AIPL1: variants seen among roughly 807,000 people sequenced by gnomAD.
The protein encoded by AIPL1 is aryl-hydrocarbon-interacting protein-like 1.
AIPL1 carries 23 observed loss-of-function variants against 32.9 expected under a neutral mutation model. That is an observed-to-expected ratio of 0.70 (90% CI 0.50 to 0.99). The LOEUF (loss-of-function observed/expected upper bound fraction) is 0.99, where lower values mean the gene tolerates loss of function less well. Ranked by LOEUF, AIPL1 falls within the 50% of genes least tolerant of loss-of-function variation. The pLI is 0.00. For synonymous variants in AIPL1, 210 were observed against 209.4 expected, an observed-to-expected ratio of 1.00 and a Z score of -0.02; for missense variants, 485 against 506.0, an observed-to-expected ratio of 0.96 and a Z score of 0.40.
intron 2 of AIPL1, among the ~76,000 whole-genome samples, chr17:6,429,170 G>A (rs57495023): frequency 0.02 from 3,061 of 152,300 alleles, 111 homozygotes; most frequent in African/African-American, 0.07. Context: ...TGCCACCCTT[G>A]GGATGAAGGA....
chr17:6,427,205 C>A, intron 3 of AIPL1, 148 bp from the exon 4 acceptor site: 1 of 837,412 alleles, frequency 1.2e-6, no homozygotes, highest in Non-Finnish European at 1.9e-6. Flanking sequence ...AGCAACAACG[C>A]CGAAAACCCT....
intron 2 of AIPL1, 118 bp downstream of exon 2, chr17:6,433,801 T>C (rs1359938547): frequency 7.7e-7 from 1 of 1,290,748 alleles, no homozygotes; most frequent in African/African-American, 1.5e-5. Context: ...TTTGCAGGAC[T>C]GGCTTTGCAA....
intron 2 of AIPL1, among the ~76,000 whole-genome samples, chr17:6,433,620 C>T (rs1912842937): frequency 7.8e-6 from 1 of 128,742 alleles, no homozygotes; most frequent in Admixed American, 7.3e-5. Context: ...CTCACACACA[C>T]ACACACACAC....
At chr17:6,428,287 A>T in intron 3 of AIPL1, 31 bp downstream of exon 3, 1 of 1,601,820 alleles carries the variant, frequency 6.2e-7, no homozygotes, top group Non-Finnish European at 8.5e-7. Context: ...GTGCTGGCAC[A>T]GCCCTCCAGC....
In AIPL1 at chr17:6,425,586, G is replaced by A. The variant is rs1911839985; in HGVS notation, c.1029C>T (p.Pro343=). The change falls in exon 6 of 6, where the codon CCC becomes CCT. Residue 343 remains proline, a synonymous_variant. Transcript: ENST00000381129. ...CAGGTGGCTCTGTGGATGACTGTGC[G>A]GGTGGCTCTGTGGGTGGCTCTGCGG... ...QPPAEPPTEP[P]AQSSTEPPAE... is the part of the protein sequence containing the mutation. The A allele has an allele frequency of 1.9e-6, 3 of 1,613,286 alleles. No individual in the cohort carries two copies. Among genetic ancestry groups the A allele is most frequent in the East Asian group, 2.2e-5 (1 of 44,870 alleles).
rs1448600688 is a variant in AIPL1 at position 6,425,114 on chromosome 17, C to A, written c.*346G>T. 1 of 205,850 alleles carries A rather than the reference C, an allele frequency of 4.9e-6. No individual in the cohort carries two copies. The highest frequency in any genetic ancestry group is 5.3e-5 in the Admixed American group (1 of 18,964). The allele number at this position is 205,850 out of a possible 1,614,324, so 12.8% of individuals were successfully genotyped here. ...AGGGGTATCAGGCATGAGAAAGGATCAGAGCATCAAATCCTCATTTGTCAT... is the reference window on the plus strand; with the variant it reads ...AGGGGTATCAGGCATGAGAAAGGATAAGAGCATCAAATCCTCATTTGTCAT... On this transcript the variant is annotated 3_prime_UTR_variant, in exon 6 of 6. Coordinates refer to ENST00000381129, the MANE Select transcript of AIPL1 (RefSeq NM_014336.5).
At chr17:6,434,192 G>A (rs997053621) in intron 1 of AIPL1, 94 bp from the exon 2 acceptor site, 154 of 1,417,902 alleles carry the variant, frequency 1.1e-4, no homozygotes, top group Non-Finnish European at 1.4e-4. Flanking sequence ...GCTGTCCCCA[G>A]GGTCAGCTCA....
At position 6,424,935 on chromosome 17, in the gene AIPL1, T is replaced by G. The variant is rs567614921; in HGVS notation, c.*525A>C. ...CTTTCCTGGGGGAGGCCAAGAACCC[T>G]CTCAGGCTAAGCTCCAGTGTCGGGG... On this transcript the variant is annotated 3_prime_UTR_variant, in exon 6 of 6. Coordinates refer to ENST00000381129, the MANE Select transcript of AIPL1 (RefSeq NM_014336.5). 6.5e-6 allele frequency: 1 copy of G among 152,694 alleles called. No homozygotes were observed. Among genetic ancestry groups the G allele is most frequent in the African/African-American group, 2.4e-5 (1 of 41,556 alleles). 9.5% of individuals were successfully genotyped at this position (152,694 alleles called of 1,614,324 possible). A position where few individuals can be genotyped will look rare whatever the true frequency, so the allele number is the denominator to read the frequency against.
rs971471435 is a variant in AIPL1, at chr17:6,430,445, A to G, written c.277-1939T>C. Among the ~76,000 whole-genome samples, 23 of 131,836 alleles carry G rather than the reference A, an allele frequency of 1.7e-4. 1 individual carries two copies. The highest frequency in any genetic ancestry group is 6.3e-4 in the African/African-American group (22 of 35,160). 86.5% of individuals were successfully genotyped at this position (131,836 alleles called of 152,430 possible). On this transcript the variant is annotated intron_variant, in intron 2 of 5. Coordinates refer to ENST00000381129, the MANE Select transcript of AIPL1 (RefSeq NM_014336.5). The stretch of plus-strand genomic sequence containing the variant: ...CACTCCAGCCTGGGCAACAAGAGCG[A>G]AAGTCCGTCTCAAAAAAAAAAAAAA...
In AIPL1 at chr17:6,428,300, T is replaced by C. The variant is rs1356852981; in HGVS notation, c.465+18A>G. The C allele has an allele frequency of 1.9e-6, 3 of 1,604,510 alleles. No individual in the cohort carries two copies. The highest frequency in any genetic ancestry group is 2.2e-5 in the East Asian group (1 of 44,878). ...CAGTGCTGGCACAGCCCTCCAGCCC[T>C]GCCAACCCCAGCCCCACCTGCAGCA... On this transcript the variant is annotated intron_variant, in intron 3 of 5. Coordinates refer to ENST00000381129, the MANE Select transcript of AIPL1 (RefSeq NM_014336.5).
chr17:6,425,889 A>C, intron 5 of AIPL1, 59 bp from the exon 6 acceptor site: 1 of 1,574,348 alleles, frequency 6.4e-7, no homozygotes, highest in South Asian at 1.1e-5. Flanking sequence ...AGGCAGCCCC[A>C]GCCCAGCTGG....
chr17:6,433,835 C>T (rs1912871571), intron 2 of AIPL1, 84 bp downstream of exon 2: 1 of 1,505,652 alleles, frequency 6.6e-7, no homozygotes, highest in Non-Finnish European at 9.0e-7. Flanking sequence ...TCCCAGCTTT[C>T]CCGAAACACA....
intron 1 of AIPL1, among the ~76,000 whole-genome samples, chr17:6,434,356 CT>C (rs71381392): frequency 9.3e-4 from 98 of 104,998 alleles, no homozygotes; most frequent in African/African-American, 2.2e-3. Context: ...AGCCCGAGTT[CT>C]TTTTTTTTTT....
At chr17:6,427,659 T>C (rs559414149) in intron 3 of AIPL1, among the ~76,000 whole-genome samples, 12 of 150,452 alleles carry the variant, frequency 8.0e-5, no homozygotes, top group African/African-American at 2.7e-4. Flanking sequence ...ATGCAGCCTC[T>C]CCCGCCACTA....
At chr17:6,429,636 C>T (rs141236226) in intron 2 of AIPL1, among the ~76,000 whole-genome samples, 1 of 152,198 alleles carries the variant, frequency 6.6e-6, no homozygotes, top group African/African-American at 2.4e-5. Context: ...GCACACTGCC[C>T]TCACTTATTT....
Position 6,425,495 on chromosome 17 carries a change from G to A in AIPL1, c.1120C>T (p.Pro374Ser), listed in dbSNP as rs1263844091. Residue 374 changes from proline (P) to serine (S), a missense_variant, in exon 6 of 6, where the codon CCA (proline) becomes TCA (serine). Pro to Ser is a moderately conservative substitution (Grantham distance 74). Coordinates refer to ENST00000381129, the MANE Select transcript of AIPL1 (RefSeq NM_014336.5). ...AGPPAEPATE[P>S]PPSPGHSLQH is the part of the protein sequence containing the mutation. ...AGCGAGTGCCCTGGGGACGGGGGTG[G>A]CTCTGTGGCTGGCTCTGCAGGGGGC... The A allele has an allele frequency of 1.9e-6, 3 of 1,606,610 alleles. No homozygotes were observed. The highest frequency in any genetic ancestry group is 2.7e-5 in the African/African-American group (2 of 74,830).
intron 3 of AIPL1, 121 bp downstream of exon 3, chr17:6,428,197 C>T (rs992260248): frequency 7.2e-6 from 8 of 1,112,312 alleles, no homozygotes; most frequent in African/African-American, 1.5e-5. Context: ...TGAACCCTCT[C>T]GTATTATCTA....
chr17:6,433,786 A>C, intron 2 of AIPL1, 133 bp downstream of exon 2: 1 of 1,139,346 alleles, frequency 8.8e-7, no homozygotes, highest in Non-Finnish European at 1.3e-6. Context: ...GCGGTGGGGA[A>C]TAAGTTTGCA....
Position 6,425,283 on chromosome 17 carries a change from A to C in AIPL1, c.*177T>G. 1 of 770,454 alleles carries C rather than the reference A, an allele frequency of 1.3e-6. No homozygotes were observed. The highest frequency in any genetic ancestry group is 1.9e-6 in the Non-Finnish European group (1 of 526,968). 47.7% of individuals were successfully genotyped at this position (770,454 alleles called of 1,614,324 possible). A position where few individuals can be genotyped will look rare whatever the true frequency, so the allele number is the denominator to read the frequency against. ...AGAGGAGAAAACTACTTTTATTCAT[A>C]AGCTCTTCTGTACCCTTGGGATTGT... is the stretch of plus-strand genomic sequence containing the variant. On this transcript the variant is annotated 3_prime_UTR_variant, in exon 6 of 6. Coordinates refer to ENST00000381129, the MANE Select transcript of AIPL1 (RefSeq NM_014336.5).
Sources: gnomAD v4.1 joint callset for allele counts (sites outside exome capture counted in the v4.1 genomes callset) on GRCh38, gnomAD v4.1.1 for gene constraint, MANE v1.5 for transcripts, NCBI Gene and HGNC (gene_info 2026-07-23, HGNC 2026-07-21) for gene names.